Variants in KCNT2 observed in about 807,000 individuals in gnomAD.
KCNT2 encodes the protein potassium sodium-activated channel subfamily T member 2.
Under a neutral mutation model 153.8 loss-of-function variants are expected in KCNT2, and 67 were observed. The observed-to-expected ratio is 0.44, with a 90% CI of 0.36 to 0.53. The LOEUF (loss-of-function observed/expected upper bound fraction) is 0.53, where lower values mean the gene tolerates loss of function less well. Among genes scored for constraint, KCNT2 ranks in the 20% least tolerant of loss-of-function variants. KCNT2 has a pLI of 0.00. For synonymous variants in KCNT2, 500 were observed against 458.8 expected (o/e 1.09, Z -1.15); for missense variants, 975 against 1,354.8 (o/e 0.72, Z 4.40).
intron 12 of KCNT2, among the ~76,000 whole-genome samples, chr1:196,421,210 T>A (rs778537710): frequency 6.6e-6 from 1 of 152,002 alleles, no homozygotes; most frequent in Non-Finnish European, 1.5e-5. Context: ...TAGGTATAAA[T>A]CTTCTTACTC....
intron 1 of KCNT2, among the ~76,000 whole-genome samples, chr1:196,568,603 A>AT (rs1660396653): frequency 6.6e-6 from 1 of 151,080 alleles, no homozygotes; most frequent in African/African-American, 2.4e-5. Context: ...CTCAAAAAAA[A>AT]AAAAAAAGAA....
At chr1:196,400,713 A>G (rs1671337079) in intron 12 of KCNT2, among the ~76,000 whole-genome samples, 1 of 151,828 alleles carries the variant, frequency 6.6e-6, no homozygotes, top group Non-Finnish European at 1.5e-5. Context: ...TAAAAGAAGA[A>G]ATAGAAGAGG....
chr1:196,464,414 C>T (rs941516114), intron 8 of KCNT2, among the ~76,000 whole-genome samples: 7 of 151,872 alleles, frequency 4.6e-5, no homozygotes, highest in Admixed American at 1.3e-4. Context: ...TTACTAACCA[C>T]ATACTATTGA....
intron 1 of KCNT2, among the ~76,000 whole-genome samples, chr1:196,525,443 G>A (rs1654045712): frequency 6.6e-6 from 1 of 152,114 alleles, no homozygotes; most frequent in African/African-American, 2.4e-5. Flanking sequence ...GTTACTAAGT[G>A]CAAGAAGGCT....
At chr1:196,585,326 A>G (rs148119268) in intron 1 of KCNT2, among the ~76,000 whole-genome samples, 2 of 152,276 alleles carry the variant, frequency 1.3e-5, no homozygotes, top group African/African-American at 4.8e-5. Flanking sequence ...CAAAGAGAGG[A>G]TGGGACTTGA....
intron 22 of KCNT2, among the ~76,000 whole-genome samples, chr1:196,296,156 G>C (rs1417442898): frequency 6.6e-6 from 1 of 151,796 alleles, no homozygotes; most frequent in Non-Finnish European, 1.5e-5. Flanking sequence ...ACTATTATCT[G>C]TTTGATGTAT....
intron 22 of KCNT2, among the ~76,000 whole-genome samples, chr1:196,298,222 G>T (rs967398420): frequency 1.3e-5 from 2 of 152,034 alleles, no homozygotes; most frequent in Non-Finnish European, 2.9e-5. Flanking sequence ...ACACTACCTG[G>T]AGTTGGCAAA....
At chr1:196,367,813 G>A (rs368150279) in intron 14 of KCNT2, among the ~76,000 whole-genome samples, 3 of 152,200 alleles carry the variant, frequency 2.0e-5, no homozygotes, top group South Asian at 2.1e-4. Flanking sequence ...ATGTGACAGG[G>A]CTCTGACCAA....
At chr1:196,576,106 G>A (rs866413960) in intron 1 of KCNT2, among the ~76,000 whole-genome samples, 59 of 150,284 alleles carry the variant, frequency 3.9e-4, no homozygotes, top group Middle Eastern at 3.5e-3. Flanking sequence ...GTGTGTGTGT[G>A]TGTATATATA....
At chr1:196,547,291 G>A (rs1291825208) in intron 1 of KCNT2, among the ~76,000 whole-genome samples, 1 of 151,816 alleles carries the variant, frequency 6.6e-6, no homozygotes, top group Non-Finnish European at 1.5e-5. Flanking sequence ...AAACTCAAAC[G>A]ACTTTTGAAA....
chr1:196,271,501 C>G (rs775931690), intron 25 of KCNT2, among the ~76,000 whole-genome samples: 1 of 151,970 alleles, frequency 6.6e-6, no homozygotes, highest in African/African-American at 2.4e-5. Flanking sequence ...ATTAAATAGC[C>G]TCTTGTTAGT....
chr1:196,586,316 C>G (rs1015742720), intron 1 of KCNT2, among the ~76,000 whole-genome samples: 2 of 151,910 alleles, frequency 1.3e-5, no homozygotes, highest in East Asian at 3.9e-4. Context: ...ATTAATCAAG[C>G]CCTTCACTTC....
At chr1:196,251,698 T>A (rs1449722691) in intron 26 of KCNT2, among the ~76,000 whole-genome samples, 1 of 151,968 alleles carries the variant, frequency 6.6e-6, no homozygotes, top group African/African-American at 2.4e-5. Flanking sequence ...CAAAACATGG[T>A]GACTACAGTC....
intron 1 of KCNT2, among the ~76,000 whole-genome samples, chr1:196,518,556 G>C (rs1215216465): frequency 6.7e-6 from 1 of 149,848 alleles, no homozygotes; most frequent in African/African-American, 2.4e-5. Context: ...GACACTGATA[G>C]GATCAAAATA....
intron 1 of KCNT2, among the ~76,000 whole-genome samples, chr1:196,603,599 T>G (rs1664986995): frequency 6.6e-6 from 1 of 152,242 alleles, no homozygotes. Context: ...TGACTTGTAC[T>G]ATGTTCAAAT....
At chr1:196,287,781 G>T (rs1276610136) in intron 22 of KCNT2, among the ~76,000 whole-genome samples, 3 of 152,036 alleles carry the variant, frequency 2.0e-5, no homozygotes, top group African/African-American at 7.2e-5. Flanking sequence ...CTCCTATATA[G>T]AACTAACAGT....
At chr1:196,286,256 C>A (rs1659648165) in intron 22 of KCNT2, among the ~76,000 whole-genome samples, 1 of 151,968 alleles carries the variant, frequency 6.6e-6, no homozygotes, top group South Asian at 2.1e-4. Flanking sequence ...GGAAGTGAAG[C>A]CTTTGGGAGG....
At chr1:196,288,832 C>A (rs1659916988) in intron 22 of KCNT2, among the ~76,000 whole-genome samples, 1 of 151,992 alleles carries the variant, frequency 6.6e-6, no homozygotes, top group Admixed American at 6.6e-5. Flanking sequence ...GACAGGTCCA[C>A]CTGCCAAAAA....
At chr1:196,423,639 T>G (rs1673400568) in intron 11 of KCNT2, among the ~76,000 whole-genome samples, 1 of 151,702 alleles carries the variant, frequency 6.6e-6, no homozygotes, top group African/African-American at 2.4e-5. Context: ...TATATTTTAG[T>G]GTTTGATACA....
Sources: gnomAD v4.1 joint callset for allele counts (sites outside exome capture counted in the v4.1 genomes callset) on GRCh38, gnomAD v4.1.1 for gene constraint, MANE v1.5 for transcripts, NCBI Gene and HGNC (gene_info 2026-07-23, HGNC 2026-07-21) for gene names.